Variants in EYS observed in about 807,000 individuals in gnomAD.
EYS encodes the protein EGF-like photoreceptor maintenance factor, also known as protein eyes shut homolog.
Under a neutral mutation model 282.1 loss-of-function variants are expected in EYS, and 250 were observed. The ratio of observed to expected loss-of-function variants is 0.89; its 90% CI spans 0.80 to 0.98. The LOEUF (loss-of-function observed/expected upper bound fraction) is 0.98. Ranked by LOEUF, EYS falls within the 50% of genes least tolerant of loss-of-function variation. The probability of loss-of-function intolerance (pLI) is 0.00; values close to 1 mark genes in which losing one functional copy is unlikely to be tolerated. For synonymous variants in EYS, 1,355 were observed against 1,282.9 expected (o/e 1.06, Z -1.20); for missense variants, 4,016 against 3,709.0 (o/e 1.08, Z -2.15).
intron 13 of EYS, among the ~76,000 whole-genome samples, chr6:65,002,117 A>G (rs1771485433): frequency 6.8e-6 from 1 of 147,042 alleles, no homozygotes; most frequent in South Asian, 2.2e-4. Context: ...TATAATCATT[A>G]TAGTAGGGCT....
chr6:64,626,399 G>T (rs1767611923), intron 22 of EYS, among the ~76,000 whole-genome samples, 154 bp from the exon 23 acceptor site: 1 of 152,086 alleles, frequency 6.6e-6, no homozygotes, highest in South Asian at 2.1e-4. Context: ...TTGAATTGTG[G>T]CCCCAAAACA....
chr6:64,659,601 T>C (rs1442507305), intron 22 of EYS, among the ~76,000 whole-genome samples: 1 of 152,052 alleles, frequency 6.6e-6, no homozygotes, highest in Non-Finnish European at 1.5e-5. Context: ...GAGAATACTA[T>C]AAACACCTCT....
intron 29 of EYS, among the ~76,000 whole-genome samples, chr6:64,362,298 C>T (rs1318004750): frequency 6.6e-6 from 1 of 151,774 alleles, no homozygotes; most frequent in Non-Finnish European, 1.5e-5. Flanking sequence ...AGATCATATA[C>T]TCTAATTTTA....
chr6:64,658,106 G>C (rs978042810), intron 22 of EYS, among the ~76,000 whole-genome samples: 1 of 151,940 alleles, frequency 6.6e-6, no homozygotes, highest in Non-Finnish European at 1.5e-5. Context: ...TCATTCATTT[G>C]ATCTTCCATC....
At chr6:64,873,762 AATGTTTAC>A (rs1766663729) in intron 19 of EYS, among the ~76,000 whole-genome samples, 1 of 152,054 alleles carries the variant, frequency 6.6e-6, no homozygotes, top group African/African-American at 2.4e-5. Flanking sequence ...ATCTTTCAAC[AATGTTTAC>A]ATAAATAAAA....
intron 1 of EYS, among the ~76,000 whole-genome samples, chr6:65,680,463 T>C (rs138484322): frequency 6.6e-6 from 1 of 152,120 alleles, no homozygotes; most frequent in African/African-American, 2.4e-5. Flanking sequence ...TTATTCATTC[T>C]ATAGTAAAGA....
chr6:65,494,597 T>A, intron 4 of EYS, 66 bp downstream of exon 4: 2 of 1,387,850 alleles, frequency 1.4e-6, no homozygotes, highest in Non-Finnish European at 2.0e-6. Context: ...TTGATTTCTG[T>A]TAACAGTTTA....
intron 37 of EYS, among the ~76,000 whole-genome samples, chr6:63,799,312 C>A (rs1422386739): frequency 6.6e-6 from 1 of 151,926 alleles, no homozygotes; most frequent in Non-Finnish European, 1.5e-5. Flanking sequence ...CCGTGCCCGG[C>A]TCCTAAATTT....
intron 26 of EYS, among the ~76,000 whole-genome samples, chr6:64,543,647 A>G (rs767297255): frequency 6.6e-6 from 1 of 152,166 alleles, no homozygotes; most frequent in Non-Finnish European, 1.5e-5. Context: ...AATCAACTTT[A>G]CCAAACACTA....
intron 36 of EYS, among the ~76,000 whole-genome samples, chr6:63,849,349 C>T (rs555167330): frequency 2.6e-5 from 4 of 152,190 alleles, no homozygotes; most frequent in Non-Finnish European, 5.9e-5. Context: ...AAGGGACAGA[C>T]TACCTCCTCA....
At chr6:64,539,628 G>T (rs578024577) in intron 26 of EYS, among the ~76,000 whole-genome samples, 9 of 152,240 alleles carry the variant, frequency 5.9e-5, no homozygotes, top group Non-Finnish European at 1.2e-4. Flanking sequence ...TCTGGGATGA[G>T]CCCAAGGTGA....
At chr6:64,145,520 T>C (rs888352066) in intron 31 of EYS, among the ~76,000 whole-genome samples, 9 of 152,212 alleles carry the variant, frequency 5.9e-5, no homozygotes, top group African/African-American at 1.9e-4. Context: ...ATTCTTTCTT[T>C]AGTTTCACAC....
chr6:65,387,369 T>C (rs1490222994), intron 7 of EYS, among the ~76,000 whole-genome samples: 1 of 151,946 alleles, frequency 6.6e-6, no homozygotes, highest in African/African-American at 2.4e-5. Flanking sequence ...TAACTGCTAT[T>C]TATTTTTAAA....
At chr6:63,891,330 A>T (rs9968812) in intron 35 of EYS, among the ~76,000 whole-genome samples, 17,862 of 152,144 alleles carry the variant, frequency 0.12, 1,280 homozygotes, top group African/African-American at 0.19. Context: ...CGATGCAAAA[A>T]TCCTCCATAA....
intron 2 of EYS, among the ~76,000 whole-genome samples, chr6:65,617,659 G>A (rs1024544157): frequency 4.7e-5 from 7 of 150,252 alleles, no homozygotes; most frequent in East Asian, 3.9e-4. Context: ...CCACTAACTC[G>A]TCATCTAGCA....
At chr6:65,084,322 T>C (rs139892292) in intron 12 of EYS, among the ~76,000 whole-genome samples, 1 of 152,130 alleles carries the variant, frequency 6.6e-6, no homozygotes, top group East Asian at 1.9e-4. Flanking sequence ...TTTCCCCAAA[T>C]ACGATGAACA....
chr6:64,635,816 A>G (rs1767956806), intron 22 of EYS, among the ~76,000 whole-genome samples: 1 of 152,206 alleles, frequency 6.6e-6, no homozygotes, highest in Non-Finnish European at 1.5e-5. Flanking sequence ...AGGCTTTGGT[A>G]TCAGGATGAT....
chr6:65,254,142 T>C (rs1168181851), intron 12 of EYS, among the ~76,000 whole-genome samples: 1 of 151,876 alleles, frequency 6.6e-6, no homozygotes, highest in Non-Finnish European at 1.5e-5. Context: ...CTTTTATCTC[T>C]TAGAACTTTT....
chr6:64,497,041 T>C (rs1232400218), intron 26 of EYS, among the ~76,000 whole-genome samples: 1 of 152,112 alleles, frequency 6.6e-6, no homozygotes, highest in Admixed American at 6.6e-5. Flanking sequence ...TTCTGAGTAA[T>C]GCCTCAAATC....
Sources: gnomAD v4.1 joint callset for allele counts (sites outside exome capture counted in the v4.1 genomes callset) on GRCh38, gnomAD v4.1.1 for gene constraint, MANE v1.5 for transcripts, NCBI Gene and HGNC (gene_info 2026-07-23, HGNC 2026-07-21) for gene names.